HSDL1: variants seen among roughly 807,000 people sequenced by gnomAD.
The protein encoded by HSDL1 is hydroxysteroid dehydrogenase like 1, also known as inactive hydroxysteroid dehydrogenase-like protein 1.
Under a neutral mutation model 31.5 loss-of-function variants are expected in HSDL1, and 29 were observed. The ratio of observed to expected loss-of-function variants is 0.92; its 90% CI spans 0.69 to 1.26. HSDL1 has a LOEUF of 1.26. Ranked by LOEUF, HSDL1 falls within the 50% of genes most tolerant of loss-of-function variation. The pLI is 0.00. For synonymous variants in HSDL1, 222 were observed against 155.2 expected (o/e 1.43, Z -3.20); for missense variants, 503 against 416.6 (o/e 1.21, Z -1.81).
intron 3 of HSDL1, 101 bp from the exon 4 acceptor site, chr16:84,130,532 A>AC: frequency 1.0e-6 from 1 of 962,308 alleles, no homozygotes; most frequent in Admixed American, 2.4e-5. Flanking sequence ...AGAAAAATTC[A>AC]CACTAGAAAT....
chr16:84,138,392 T>C (rs924374996), intron 1 of HSDL1, among the ~76,000 whole-genome samples: 4 of 152,222 alleles, frequency 2.6e-5, no homozygotes, highest in African/African-American at 9.6e-5. Flanking sequence ...GGAGAGCTAA[T>C]GTACAGTACA....
Position 84,130,329 on chromosome 16 carries a change from G to A in HSDL1, c.323C>T (p.Ala108Val). 1 of 1,614,200 alleles carries A rather than the reference G, an allele frequency of 6.2e-7. No homozygotes were observed. Among genetic ancestry groups the A allele is most frequent in the Non-Finnish European group, 8.5e-7 (1 of 1,180,044 alleles). The change falls in exon 4 of 6, where the codon GCT (alanine) becomes GTT (valine). Residue 108 changes from alanine to valine, a missense_variant. Coordinates refer to ENST00000219439, the MANE Select transcript of HSDL1 (RefSeq NM_031463.5). ...SRNEEKLQVV[A>V]KDIADTYKVE... ...TTTGTACGTGTCGGCTATGTCTTTA[G>A]CAACAACCTGCAACTTCTCCTCGTT...
chr16:84,124,488 T>A lies in HSDL1; in HGVS notation c.*142A>T. 1.6e-6 allele frequency: 1 copy of A among 620,150 alleles called. No individual in the cohort carries two copies. Among genetic ancestry groups the A allele is most frequent in the Non-Finnish European group, 3.0e-6 (1 of 333,790 alleles). 38.4% of individuals were successfully genotyped at this position (620,150 alleles called of 1,614,324 possible). On this transcript the variant is annotated 3_prime_UTR_variant, in exon 6 of 6. Transcript: ENST00000219439. ...TTTTCACAGCACTCTGACGGTATTA[T>A]GTGTGTTTTGCAAATGACGAATCAA...
chr16:84,143,448 G>A (rs954229854), intron 1 of HSDL1, among the ~76,000 whole-genome samples: 5 of 152,148 alleles, frequency 3.3e-5, no homozygotes, highest in African/African-American at 1.2e-4. Context: ...GGGACAGGGG[G>A]AGAAAAGAGG....
chr16:84,133,180 C>T (rs1025836971), intron 2 of HSDL1, among the ~76,000 whole-genome samples: 4 of 151,700 alleles, frequency 2.6e-5, no homozygotes, highest in Admixed American at 6.6e-5. Context: ...AAGAATGGCA[C>T]CATATTGTGA....
At chr16:84,137,123 C>G (rs1332173795) in intron 1 of HSDL1, among the ~76,000 whole-genome samples, 2 of 152,148 alleles carry the variant, frequency 1.3e-5, no homozygotes, top group African/African-American at 2.4e-5. Flanking sequence ...TCCGTGCCAC[C>G]CGGTATACAC....
chr16:84,135,097 G>C (rs1333659348), intron 2 of HSDL1, among the ~76,000 whole-genome samples: 1 of 152,092 alleles, frequency 6.6e-6, no homozygotes, highest in African/African-American at 2.4e-5. Context: ...GCAGGGCGTG[G>C]TGGCGGGCAC....
At chr16:84,127,361 G>A (rs955917559) in intron 5 of HSDL1, among the ~76,000 whole-genome samples, 6 of 151,518 alleles carry the variant, frequency 4.0e-5, no homozygotes, top group African/African-American at 1.2e-4. Context: ...GACTACAGGC[G>A]TGCACCACCA....
intron 5 of HSDL1, among the ~76,000 whole-genome samples, chr16:84,128,328 C>A (rs1429679289): frequency 1.3e-5 from 2 of 151,824 alleles, no homozygotes; most frequent in African/African-American, 4.8e-5. Context: ...CATCTCTTTA[C>A]TACACCAGAT....
At chr16:84,138,779 G>C (rs1471497509) in intron 1 of HSDL1, among the ~76,000 whole-genome samples, 3 of 152,190 alleles carry the variant, frequency 2.0e-5, no homozygotes, top group Non-Finnish European at 2.9e-5. Context: ...TACTTCTACA[G>C]GGCAGGAGTC....
intron 5 of HSDL1, among the ~76,000 whole-genome samples, chr16:84,129,042 G>C (rs1035212265): frequency 9.9e-5 from 15 of 152,218 alleles, no homozygotes; most frequent in African/African-American, 3.6e-4. Context: ...GTGCCACATA[G>C]ATTGAACTTT....
intron 5 of HSDL1, among the ~76,000 whole-genome samples, chr16:84,128,988 G>A (rs1001977607): frequency 6.6e-6 from 1 of 152,068 alleles, no homozygotes; most frequent in Non-Finnish European, 1.5e-5. Context: ...GATTACAGAT[G>A]TGAGCCACCA....
intron 2 of HSDL1, among the ~76,000 whole-genome samples, chr16:84,133,083 G>T (rs752687095): frequency 2.0e-5 from 3 of 151,570 alleles, no homozygotes; most frequent in African/African-American, 7.3e-5. Flanking sequence ...CTCCACTGCA[G>T]TGTAATCTGA....
At position 84,130,340 on chromosome 16, in the gene HSDL1, C is replaced by T; in HGVS notation, c.312G>A (p.Leu104=). 3 of 1,614,250 alleles carry T rather than the reference C, an allele frequency of 1.9e-6. No homozygotes were observed. Among genetic ancestry groups the T allele is most frequent in the Non-Finnish European group, 2.5e-6 (3 of 1,180,048 alleles). The part of the protein sequence containing the change: ...IILISRNEEK[L]QVVAKDIADT... The stretch of plus-strand genomic sequence containing the variant: ...CGGCTATGTCTTTAGCAACAACCTG[C>T]AACTTCTCCTCGTTCCGACTAATCA... Residue 104 remains leucine, a synonymous_variant, in exon 4 of 6, where the codon TTG becomes TTA. Transcript: ENST00000219439.
At chr16:84,140,134 C>T (rs1022641477) in intron 1 of HSDL1, among the ~76,000 whole-genome samples, 5 of 152,182 alleles carry the variant, frequency 3.3e-5, no homozygotes, top group African/African-American at 4.8e-5. Context: ...ACCCATGTGG[C>T]ACTTAGCACA....
chr16:84,140,924 T>C (rs1447314585), intron 1 of HSDL1, among the ~76,000 whole-genome samples: 2 of 151,968 alleles, frequency 1.3e-5, no homozygotes, highest in African/African-American at 2.4e-5. Flanking sequence ...ACCCCGTCTC[T>C]ACTAAAAATA....
In HSDL1 at chr16:84,130,147, T is replaced by C; in HGVS notation, c.505A>G (p.Lys169Glu). 2 of 1,614,224 alleles carry C rather than the reference T, an allele frequency of 1.2e-6. No homozygotes were observed. The highest frequency in any genetic ancestry group is 1.7e-6 in the Non-Finnish European group (2 of 1,180,036). Reference protein sequence around the residue: ...PQYFTQLSEDKLWDIINVNIA... With the variant: ...PQYFTQLSEDELWDIINVNIA... The stretch of plus-strand genomic sequence containing the variant: ...TTCACATTTATGATGTCCCAGAGCT[T>C]GTCCTCGGACAGCTGAGTGAAATAC... Residue 169 changes from lysine (K) to glutamate (E), a missense_variant, in exon 4 of 6, where the codon AAG (lysine) becomes GAG (glutamate). Physicochemically the swap from Lys to Glu is moderately conservative, Grantham distance 56 (BLOSUM62 1). Transcript: ENST00000219439.
At chr16:84,127,025 G>C (rs907256447) in intron 5 of HSDL1, among the ~76,000 whole-genome samples, 2 of 152,054 alleles carry the variant, frequency 1.3e-5, no homozygotes, top group African/African-American at 4.8e-5. Flanking sequence ...ATTTAATTTT[G>C]AGTAAACTGT....
At position 84,130,044 on chromosome 16, in the gene HSDL1, A is replaced by C; in HGVS notation, c.608T>G (p.Ile203Ser). Residue 203 changes from isoleucine (I) to serine (S), a missense_variant, in exon 4 of 6, where the codon ATC becomes AGC. By Grantham distance (142) the Ile-to-Ser change is moderately radical. Coordinates refer to ENST00000219439, the MANE Select transcript of HSDL1 (RefSeq NM_031463.5). ...GGGTTTGCAGCAGGAGCCAGAAGAG[A>C]TCGTGACGATGGCACCTTTCTTTCT... ...VERKKGAIVT[I>S]SSGSCCKPTP... The C allele has an allele frequency of 6.2e-7, 1 of 1,614,122 alleles. No individual in the cohort carries two copies. The highest frequency in any genetic ancestry group is 8.5e-7 in the Non-Finnish European group (1 of 1,180,030).
Sources: allele counts gnomAD v4.1 joint callset (sites outside exome capture counted in the v4.1 genomes callset), GRCh38; gene constraint gnomAD v4.1.1; transcripts MANE v1.5; gene names NCBI Gene and HGNC (gene_info 2026-07-23, HGNC 2026-07-21).